The following SNX29 variants were observed in gnomAD, a reference collection of about 807,000 sequenced individuals.
The protein encoded by SNX29 is sorting nexin 29, also known as sorting nexin-29.
In SNX29, 78 loss-of-function variants were observed where a neutral mutation model predicts 102.1. That is an observed-to-expected ratio of 0.76 (90% CI 0.64 to 0.92). The LOEUF (loss-of-function observed/expected upper bound fraction) is 0.92, where lower values mean the gene tolerates loss of function less well. Among genes scored for constraint, SNX29 ranks in the 40% least tolerant of loss-of-function variants. The pLI, the probability that SNX29 is intolerant of heterozygous loss-of-function variation, is 0.00. For missense variants in SNX29, 1,280 were observed against 1,061.7 expected, an observed-to-expected ratio of 1.21 and a Z score of -2.86; for synonymous variants, 580 against 414.5, an observed-to-expected ratio of 1.40 and a Z score of -4.85.
chr16:12,428,982 A>G (rs567781472), intron 18 of SNX29, among the ~76,000 whole-genome samples: 3 of 152,232 alleles, frequency 2.0e-5, no homozygotes, highest in Non-Finnish European at 4.4e-5. Flanking sequence ...ATTGCGATTA[A>G]TAGTTCTTTC....
chr16:12,559,928 G>A (rs140438982), intron 20 of SNX29, among the ~76,000 whole-genome samples: 130 of 152,212 alleles, frequency 8.5e-4, no homozygotes, highest in African/African-American at 2.4e-3. Context: ...GCAGTGAGTC[G>A]AGATTACATC....
At chr16:12,551,399 C>G (rs8063757) in intron 20 of SNX29, among the ~76,000 whole-genome samples, 5 of 152,196 alleles carry the variant, frequency 3.3e-5, no homozygotes, top group Non-Finnish European at 5.9e-5. Context: ...GGATTGCTTT[C>G]AAGTTGGGGT....
chr16:12,268,835 C>T (rs1233320639), intron 14 of SNX29, among the ~76,000 whole-genome samples: 1 of 152,174 alleles, frequency 6.6e-6, no homozygotes, highest in Non-Finnish European at 1.5e-5. Context: ...TCCATGGTAT[C>T]AGAAGTTTCA....
chr16:12,299,929 C>T (rs1175125578), intron 15 of SNX29, among the ~76,000 whole-genome samples: 3 of 151,896 alleles, frequency 2.0e-5, no homozygotes, highest in South Asian at 2.1e-4. Context: ...GGAGTGCAGT[C>T]GCGCAATCTT....
chr16:12,353,905 A>G (rs2082060829), intron 15 of SNX29, among the ~76,000 whole-genome samples: 1 of 152,204 alleles, frequency 6.6e-6, no homozygotes, highest in African/African-American at 2.4e-5. Context: ...TTGGAGGAGA[A>G]TGGATTGGAG....
At chr16:12,138,273 T>A (rs995304833) in intron 13 of SNX29, among the ~76,000 whole-genome samples, 2 of 149,898 alleles carry the variant, frequency 1.3e-5, no homozygotes, top group African/African-American at 4.9e-5. Context: ...AGTGGTGCGA[T>A]CTCGGCTCAC....
rs191683915 is a variant in SNX29 at position 12,074,008 on chromosome 16, T to A, written c.1320-4825T>A. Among the ~76,000 whole-genome samples, 707 of 152,282 alleles carry A rather than the reference T, an allele frequency of 4.6e-3. 3 individuals are homozygous for A. The highest frequency in any genetic ancestry group is 8.4e-3 in the Non-Finnish European group (570 of 68,026). ...ATTGCAACCCCTGCCTTTTTTTTGTTTTCCATTTGCTTGGTGGCTCTTCCT... is the reference window on the plus strand; with the variant it reads ...ATTGCAACCCCTGCCTTTTTTTTGTATTCCATTTGCTTGGTGGCTCTTCCT... On this transcript the variant is annotated intron_variant, in intron 10 of 20. Transcript: ENST00000566228.
chr16:12,008,578 T>G (rs1024202200), intron 3 of SNX29, among the ~76,000 whole-genome samples: 4 of 152,090 alleles, frequency 2.6e-5, no homozygotes, highest in African/African-American at 9.7e-5. Flanking sequence ...CTGGATCATT[T>G]TTGACTTACA....
Position 12,571,974 on chromosome 16 carries a change from C to T in SNX29, c.*3345C>T, listed in dbSNP as rs894528207. ...AGGCTCTTACAGTCTATGGTGGTAG[C>T]CATCTTCACATCCAGTCACCAGTTG... On this transcript the variant is annotated 3_prime_UTR_variant, in exon 21 of 21. Coordinates refer to ENST00000566228, the MANE Select transcript of SNX29 (RefSeq NM_032167.5). 4.7e-6 allele frequency: 5 copies of T among 1,061,616 alleles called. No homozygotes were observed. Among genetic ancestry groups the T allele is most frequent in the Non-Finnish European group, 5.7e-6 (5 of 876,900 alleles). 65.8% of individuals were successfully genotyped at this position (1,061,616 alleles called of 1,614,324 possible).
chr16:12,512,673 C>G (rs562813358), intron 19 of SNX29, among the ~76,000 whole-genome samples: 1 of 152,042 alleles, frequency 6.6e-6, no homozygotes, highest in East Asian at 1.9e-4. Context: ...CCATGGGTGC[C>G]TGATGGAGGC....
intron 15 of SNX29, among the ~76,000 whole-genome samples, chr16:12,333,357 G>C (rs756451348): frequency 7.2e-5 from 11 of 151,792 alleles, no homozygotes; most frequent in South Asian, 4.2e-4. Context: ...TGCCTGCCTC[G>C]GCCTCCCAAA....
In SNX29 at chr16:12,568,741, T is replaced by C; in HGVS notation, c.*112T>C. 2.1e-6 allele frequency: 3 copies of C among 1,448,342 alleles called. No homozygotes were observed. The highest frequency in any genetic ancestry group is 1.4e-5 in the African/African-American group (1 of 70,796). 89.7% of individuals were successfully genotyped at this position (1,448,342 alleles called of 1,614,324 possible). A position where few individuals can be genotyped will look rare whatever the true frequency, so the allele number is the denominator to read the frequency against. ...GACAACCACGTCCACCTGGTGATCCTGAGAGCACACGATTCCCAACAGTTA... is the reference window on the plus strand; with the variant it reads ...GACAACCACGTCCACCTGGTGATCCCGAGAGCACACGATTCCCAACAGTTA... On this transcript the variant is annotated 3_prime_UTR_variant, in exon 21 of 21. Coordinates refer to ENST00000566228, the MANE Select transcript of SNX29 (RefSeq NM_032167.5).
At chr16:12,044,394 T>C (rs1359094538) in intron 5 of SNX29, among the ~76,000 whole-genome samples, 1 of 152,174 alleles carries the variant, frequency 6.6e-6, no homozygotes, top group Non-Finnish European at 1.5e-5. Flanking sequence ...AGTTCTCTGT[T>C]GCCTGTGGCT....
chr16:12,215,943 A>G (rs536034661), intron 14 of SNX29, among the ~76,000 whole-genome samples: 1 of 152,088 alleles, frequency 6.6e-6, no homozygotes, highest in African/African-American at 2.4e-5. Flanking sequence ...TGGTGCGTGC[A>G]CAGTTGTGGG....
intron 1 of SNX29, among the ~76,000 whole-genome samples, chr16:11,979,533 A>G (rs1366884593): frequency 6.6e-6 from 1 of 152,024 alleles, no homozygotes; most frequent in Non-Finnish European, 1.5e-5. Context: ...GTGGCATGGA[A>G]ATATTTCCTC....
chr16:12,527,323 G>C (rs1282135542), intron 20 of SNX29: 3 of 529,976 alleles, frequency 5.7e-6, no homozygotes, highest in Non-Finnish European at 1.1e-5. Flanking sequence ...TGCTGTCTCA[G>C]CTGGAAAGCT....
intron 14 of SNX29, among the ~76,000 whole-genome samples, chr16:12,206,526 C>T (rs2077048090): frequency 6.6e-6 from 1 of 152,108 alleles, no homozygotes; most frequent in Non-Finnish European, 1.5e-5. Flanking sequence ...ACGCAGTTAG[C>T]TCCCATGAGT....
At chr16:12,296,832 G>A (rs1202635095) in intron 15 of SNX29, among the ~76,000 whole-genome samples, 5 of 152,210 alleles carry the variant, frequency 3.3e-5, no homozygotes, top group African/African-American at 1.2e-4. Flanking sequence ...GGACTAAAGC[G>A]AGGCCCACCT....
At chr16:12,531,219 C>A (rs781138468) in intron 20 of SNX29, among the ~76,000 whole-genome samples, 1 of 152,162 alleles carries the variant, frequency 6.6e-6, no homozygotes, top group Non-Finnish European at 1.5e-5. Flanking sequence ...AGCCCCAAGT[C>A]ATCCCCTGTG....
Sources: allele counts gnomAD v4.1 joint callset (sites outside exome capture counted in the v4.1 genomes callset), GRCh38; gene constraint gnomAD v4.1.1; transcripts MANE v1.5; gene names NCBI Gene and HGNC (gene_info 2026-07-23, HGNC 2026-07-21).